Variants in ACSL4 observed in about 807,000 individuals in gnomAD.
The protein encoded by ACSL4 is acyl-CoA synthetase long chain family member 4, also known as long-chain-fatty-acid--CoA ligase 4.
Under a neutral mutation model 49.1 loss-of-function variants are expected in ACSL4, and 9 were observed. The ratio of observed to expected loss-of-function variants is 0.18; its 90% confidence interval spans 0.11 to 0.32. ACSL4 has a LOEUF of 0.32. Among genes scored for constraint, ACSL4 ranks in the 10% least tolerant of loss-of-function variants. ACSL4 has a pLI of 1.00. For synonymous variants in ACSL4, 191 were observed against 170.3 expected (o/e 1.12, Z -0.95); for missense variants, 333 against 493.7 (o/e 0.67, Z 3.08).
chrX:109,649,406 A>G (rs1220236731), intron 15 of ACSL4, among the ~76,000 whole-genome samples: 2 of 111,869 alleles, frequency 1.8e-5, no homozygotes, highest in African/African-American at 3.3e-5. Flanking sequence ...GACAAACCTA[A>G]GAAAAACAAG....
chrX:109,662,270 G>A (rs775289473), intron 13 of ACSL4, among the ~76,000 whole-genome samples: 3 of 111,032 alleles, frequency 2.7e-5, no homozygotes, highest in Non-Finnish European at 5.7e-5. Flanking sequence ...TTGCCTACCC[G>A]TAGCCTGGGA....
chrX:109,709,259 G>A (rs1245045644), intron 1 of ACSL4, among the ~76,000 whole-genome samples: 2 of 112,015 alleles, frequency 1.8e-5, no homozygotes, highest in African/African-American at 3.2e-5. Flanking sequence ...CTTTCCACAC[G>A]GGTGATCAGA....
At chrX:109,674,305 A>G in intron 9 of ACSL4, 97 bp downstream of exon 9, 2 of 693,871 alleles carry the variant, frequency 2.9e-6, no homozygotes, top group South Asian at 4.6e-5. Context: ...TTTAAAATGT[A>G]GACATATCTA....
At chrX:109,701,823 C>T (rs1373979813) in intron 1 of ACSL4, among the ~76,000 whole-genome samples, 1 of 99,146 alleles carries the variant, frequency 1.0e-5, no homozygotes, top group Non-Finnish European at 2.0e-5. Context: ...GGATTACAGG[C>T]GTGAGCCACT....
At chrX:109,686,872 T>A (rs1320274768) in intron 2 of ACSL4, among the ~76,000 whole-genome samples, 1 of 110,861 alleles carries the variant, frequency 9.0e-6, no homozygotes, top group African/African-American at 3.3e-5. Flanking sequence ...CTAGAGGTTT[T>A]CAAATTCTTT....
rs192073376 is a variant in ACSL4, at chrX:109,643,755, A to G, written c.*274T>C. ...AATATTTTTCTTTACAAAAACAAGTATATCTTAGGCTAATTTTTAAAAACA... is the reference window on the plus strand; with the variant it reads ...AATATTTTTCTTTACAAAAACAAGTGTATCTTAGGCTAATTTTTAAAAACA... On this transcript the variant is annotated 3_prime_UTR_variant, in exon 16 of 16. Coordinates refer to ENST00000672401, the MANE Select transcript of ACSL4 (RefSeq NM_001318510.2). The G allele has an allele frequency of 1.1e-4, 28 of 265,173 alleles. 1 individual carries two copies. Among genetic ancestry groups the G allele is most frequent in the East Asian group, 1.0e-3 (15 of 14,598 alleles). The allele number at this position is 265,173 out of a possible 1,213,427, so 21.9% of individuals were successfully genotyped here. A position where few individuals can be genotyped will look rare whatever the true frequency, so the allele number is the denominator to read the frequency against.
At chrX:109,730,516 C>A (rs954234537) in intron 1 of ACSL4, among the ~76,000 whole-genome samples, 3 of 111,947 alleles carry the variant, frequency 2.7e-5, no homozygotes, top group African/African-American at 9.8e-5. Flanking sequence ...GTACATCTGT[C>A]TCTCCACATG....
rs181617170 is a variant in ACSL4, at chrX:109,642,678, A to G, written c.*1351T>C. The stretch of plus-strand genomic sequence containing the variant: ...AGATTTTTTGCATTTTACAGTAACT[A>G]TGGTTCAAGTGTGAATATTTATCAG... On this transcript the variant is annotated 3_prime_UTR_variant, in exon 16 of 16. Coordinates refer to ENST00000672401, the MANE Select transcript of ACSL4 (RefSeq NM_001318510.2). 1 of 111,521 alleles carries G rather than the reference A, an allele frequency of 9.0e-6. No individual in the cohort carries two copies. Among genetic ancestry groups the G allele is most frequent in the African/African-American group, 3.3e-5 (1 of 30,670 alleles). The allele number at this position is 111,521 out of a possible 1,213,427, so 9.2% of individuals were successfully genotyped here. A position where few individuals can be genotyped will look rare whatever the true frequency, so the allele number is the denominator to read the frequency against.
chrX:109,732,351 A>G (rs186021738), intron 1 of ACSL4, among the ~76,000 whole-genome samples: 1 of 111,730 alleles, frequency 9.0e-6, no homozygotes, highest in East Asian at 2.8e-4. Flanking sequence ...TCTTATTTAA[A>G]ATATGTAACC....
In ACSL4 at chrX:109,678,408, A is replaced by T. The variant is rs760487187; in HGVS notation, c.663T>A (p.Ile221=). The T allele has an allele frequency of 8.3e-7, 1 of 1,211,562 alleles. No homozygotes were observed. The highest frequency in any genetic ancestry group is 1.8e-5 in the South Asian group (1 of 57,011). Residue 221 remains isoleucine (I), a synonymous_variant, in exon 7 of 16, where the codon ATT becomes ATA. Coordinates refer to ENST00000672401, the MANE Select transcript of ACSL4 (RefSeq NM_001318510.2). The part of the protein sequence containing the change: ...ELGSNPENLG[I]PPSRPTPSDM... The stretch of plus-strand genomic sequence containing the variant: ...CTGAAGGCGTTGGTCTACTTGGAGG[A>T]ATGCCCACTAAATGAATGAATGAAA...
At chrX:109,658,955 A>C (rs1215182474) in intron 15 of ACSL4, among the ~76,000 whole-genome samples, 1 of 111,584 alleles carries the variant, frequency 9.0e-6, no homozygotes, top group African/African-American at 3.3e-5. Context: ...TTATTAATGT[A>C]CCATCTGAAG....
At chrX:109,660,340 C>T (rs1922071641) in intron 14 of ACSL4, among the ~76,000 whole-genome samples, 1 of 111,593 alleles carries the variant, frequency 9.0e-6, no homozygotes. Context: ...GGAAAAGGTG[C>T]TCAGTGGCAC....
chrX:109,708,726 A>G (rs1184607090), intron 1 of ACSL4, among the ~76,000 whole-genome samples: 1 of 112,022 alleles, frequency 8.9e-6, no homozygotes, highest in Non-Finnish European at 1.9e-5. Context: ...AAAATCTGAA[A>G]TGCTCCAAAA....
At chrX:109,689,732 A>G (rs1413054166) in intron 2 of ACSL4, among the ~76,000 whole-genome samples, 1 of 111,157 alleles carries the variant, frequency 9.0e-6, no homozygotes, top group Non-Finnish European at 1.9e-5. Flanking sequence ...TACTCCCCAC[A>G]CTTTCTATCC....
At chrX:109,714,311 GTTTGT>G (rs1172556048) in intron 1 of ACSL4, among the ~76,000 whole-genome samples, 3 of 112,242 alleles carry the variant, frequency 2.7e-5, no homozygotes, top group Non-Finnish European at 5.6e-5. Context: ...TGTACAGTGT[GTTTGT>G]TTTAAGCTAA....
At chrX:109,648,750 C>T (rs776933169) in intron 15 of ACSL4, among the ~76,000 whole-genome samples, 368 of 103,460 alleles carry the variant, frequency 3.6e-3, no homozygotes, top group African/African-American at 0.012. Context: ...TGTTTGCAGA[C>T]GACATGATTG....
At chrX:109,669,393 AAT>A (rs1491180737) in intron 9 of ACSL4, among the ~76,000 whole-genome samples, 2 of 82,027 alleles carry the variant, frequency 2.4e-5, no homozygotes, top group Non-Finnish European at 4.3e-5. Context: ...AGTTAATCTA[AAT>A]TTTTTTTTTT....
At chrX:109,725,940 A>G (rs1055380328) in intron 1 of ACSL4, among the ~76,000 whole-genome samples, 1 of 110,685 alleles carries the variant, frequency 9.0e-6, no homozygotes, top group African/African-American at 3.3e-5. Context: ...AGTTATTCAT[A>G]TGTGCTGAAT....
Position 109,670,656 on chromosome X carries a change from C to T in ACSL4, c.1003-1483G>A, listed in dbSNP as rs778878586. Among the ~76,000 whole-genome samples, 30 of 109,861 alleles carry T rather than the reference C, an allele frequency of 2.7e-4. No homozygotes were observed. In the East Asian group the frequency reaches 5.8e-3, roughly 21 times the overall value. On this transcript the variant is annotated intron_variant, in intron 9 of 15. Coordinates refer to ENST00000672401, the MANE Select transcript of ACSL4 (RefSeq NM_001318510.2). ...CTCTCCCTCTCCCTTCCCCTTTGCA[C>T]GGTCTCCCTCTGATGCCGAGCGGAG...
Sources: gnomAD v4.1 joint callset for allele counts (sites outside exome capture counted in the v4.1 genomes callset) on GRCh38, gnomAD v4.1.1 for gene constraint, MANE v1.5 for transcripts, NCBI Gene and HGNC (gene_info 2026-07-23, HGNC 2026-07-21) for gene names.